The following WDPCP variants were observed in gnomAD, a reference collection of about 807,000 sequenced individuals.
The protein encoded by WDPCP is WD repeat containing planar cell polarity effector.
WDPCP carries 71 observed loss-of-function variants against 93.1 expected under a neutral mutation model. That is an observed-to-expected ratio of 0.76 (90% CI 0.63 to 0.93). WDPCP has a LOEUF of 0.93. WDPCP is among the 40% of genes least tolerant of loss of function. WDPCP has a pLI of 0.00. For synonymous variants in WDPCP, 315 were observed against 315.0 expected (o/e 1.00, Z 0.00); for missense variants, 844 against 887.4 (o/e 0.95, Z 0.62).
chr2:63,491,213 T>C (rs886826062), intron 2 of WDPCP, among the ~76,000 whole-genome samples: 2 of 152,198 alleles, frequency 1.3e-5, no homozygotes, highest in East Asian at 1.9e-4. Flanking sequence ...TTGTACTTTT[T>C]TCCCCCCTTC....
At chr2:63,188,801 G>A (rs979008895) in intron 14 of WDPCP, among the ~76,000 whole-genome samples, 1 of 151,970 alleles carries the variant, frequency 6.6e-6, no homozygotes, top group African/African-American at 2.4e-5. Flanking sequence ...TTTCTTTAAG[G>A]CAAATTTCTG....
intron 2 of WDPCP, among the ~76,000 whole-genome samples, chr2:63,724,211 T>G (rs1225751099): frequency 6.6e-6 from 1 of 152,188 alleles, no homozygotes; most frequent in Non-Finnish European, 1.5e-5. Context: ...CCCATAAATA[T>G]ATCTACCTTT....
At chr2:63,751,989 G>A (rs1314665665) in intron 2 of WDPCP, 1 of 629,954 alleles carries the variant, frequency 1.6e-6, no homozygotes, top group African/African-American at 1.8e-5. Flanking sequence ...CACAATCAAA[G>A]TTGTCATTTC....
At chr2:63,233,047 T>C (rs1441378120) in intron 14 of WDPCP, 1 of 155,014 alleles carries the variant, frequency 6.5e-6, no homozygotes, top group East Asian at 1.9e-4. Flanking sequence ...CTCAAACTAA[T>C]GGGCCTGTCG....
chr2:63,595,287 C>T (rs892305773), intron 3 of WDPCP: 1 of 697,410 alleles, frequency 1.4e-6, no homozygotes, highest in Non-Finnish European at 2.6e-6. Context: ...GATACCTGAC[C>T]TCCTAAAATA....
intron 14 of WDPCP, among the ~76,000 whole-genome samples, chr2:63,248,216 C>T (rs758534477): frequency 1.3e-5 from 2 of 152,046 alleles, no homozygotes; most frequent in Non-Finnish European, 1.5e-5. Context: ...TATTTGACTG[C>T]CCAGTCTTCC....
At chr2:63,497,201 T>C (rs575396329) in intron 1 of WDPCP, among the ~76,000 whole-genome samples, 2 of 151,056 alleles carry the variant, frequency 1.3e-5, no homozygotes, top group Admixed American at 1.3e-4. Context: ...TGTGGTGGTA[T>C]ACAGACAAAG....
intron 14 of WDPCP, among the ~76,000 whole-genome samples, chr2:63,231,551 G>A (rs1678888530): frequency 6.6e-6 from 1 of 152,102 alleles, no homozygotes; most frequent in Non-Finnish European, 1.5e-5. Flanking sequence ...CAAGCCGAGA[G>A]CCAAATCATG....
At chr2:63,586,875 A>G (rs2106573244) in intron 1 of WDPCP, among the ~76,000 whole-genome samples, 1 of 152,372 alleles carries the variant, frequency 6.6e-6, no homozygotes, top group Admixed American at 6.5e-5. Flanking sequence ...GACAAAAATC[A>G]TGAGATTGTT....
chr2:63,472,814 C>T (rs1575485254), intron 6 of WDPCP, among the ~76,000 whole-genome samples: 1 of 152,212 alleles, frequency 6.6e-6, no homozygotes, highest in Non-Finnish European at 1.5e-5. Flanking sequence ...CCCACCTTGG[C>T]CCCCCAAAGT....
At chr2:63,345,963 A>G (rs1288712330) in intron 12 of WDPCP, among the ~76,000 whole-genome samples, 3 of 152,178 alleles carry the variant, frequency 2.0e-5, no homozygotes, top group African/African-American at 7.2e-5. Context: ...GAGACTATAC[A>G]ACTAAAGAGT....
At chr2:63,701,785 A>G (rs11894281) in intron 2 of WDPCP, among the ~76,000 whole-genome samples, 21,180 of 152,124 alleles carry the variant, frequency 0.14, 3,065 homozygotes, top group African/African-American at 0.37. Flanking sequence ...ACTCATATGT[A>G]GGAGCTTAAA....
intron 2 of WDPCP, among the ~76,000 whole-genome samples, chr2:63,802,266 T>C (rs1273798369): frequency 9.9e-6 from 1 of 101,500 alleles, no homozygotes; most frequent in Non-Finnish European, 1.8e-5. Context: ...GGCAACATTA[T>C]GATACCCTCT....
intron 2 of WDPCP, among the ~76,000 whole-genome samples, chr2:63,806,848 CAA>C (rs1395896235): frequency 6.6e-6 from 1 of 152,210 alleles, no homozygotes; most frequent in East Asian, 1.9e-4. Context: ...ATTCCCTGAA[CAA>C]TTGCTGTTAT....
At chr2:63,801,596 T>C (rs146004123) in intron 2 of WDPCP, among the ~76,000 whole-genome samples, 8 of 152,312 alleles carry the variant, frequency 5.3e-5, no homozygotes, top group African/African-American at 1.4e-4. Context: ...TTTTCACTCC[T>C]CCCTGCGATT....
intron 6 of WDPCP, among the ~76,000 whole-genome samples, chr2:63,451,084 A>C (rs936914874): frequency 6.6e-6 from 1 of 152,134 alleles, no homozygotes; most frequent in African/African-American, 2.4e-5. Flanking sequence ...AATCCTGAAA[A>C]ATAATACTAC....
chr2:63,709,057 CAAAAAAAAAA>C (rs953764802), intron 2 of WDPCP, among the ~76,000 whole-genome samples: 54 of 12,096 alleles, frequency 4.5e-3, no homozygotes, highest in South Asian at 7.3e-3. Context: ...CCTGTCTCTA[CAAAAAAAAAA>C]AAAAAAAAAA....
chr2:63,468,839 A>G (rs902970994), intron 6 of WDPCP, among the ~76,000 whole-genome samples: 1 of 152,126 alleles, frequency 6.6e-6, no homozygotes, highest in Non-Finnish European at 1.5e-5. Flanking sequence ...TAGCATACCA[A>G]TATCTGTTAT....
chr2:63,570,292 T>C (rs375719834), intron 1 of WDPCP, among the ~76,000 whole-genome samples: 3 of 152,230 alleles, frequency 2.0e-5, no homozygotes, highest in Admixed American at 6.5e-5. Context: ...TGAAAACATA[T>C]GTATTATCAT....
Sources: allele counts gnomAD v4.1 joint callset (sites outside exome capture counted in the v4.1 genomes callset), GRCh38; gene constraint gnomAD v4.1.1; transcripts MANE v1.5; gene names NCBI Gene and HGNC (gene_info 2026-07-23, HGNC 2026-07-21).